The following COL27A1 variants were observed in gnomAD, a reference collection of about 807,000 sequenced individuals.
COL27A1 encodes collagen alpha-1(XXVII) chain.
A neutral mutation model predicts 251.3 loss-of-function variants in COL27A1; 106 were observed. That is an observed-to-expected ratio of 0.42 (90% confidence interval 0.36 to 0.50). The LOEUF is 0.50. Ranked by LOEUF, COL27A1 falls within the 20% of genes least tolerant of loss-of-function variation. The pLI, the probability that COL27A1 is intolerant of heterozygous loss-of-function variation, is 0.00. For missense variants in COL27A1, 2,325 were observed against 2,522.8 expected, an observed-to-expected ratio of 0.92 and a Z score of 1.68; for synonymous variants, 1,000 against 986.3, an observed-to-expected ratio of 1.01 and a Z score of -0.26.
At chr9:114,309,509 A>C in intron 60 of COL27A1, 31 bp downstream of exon 60, 25 of 1,561,896 alleles carry the variant, frequency 1.6e-5, no homozygotes, top group Non-Finnish European at 2.1e-5. Context: ...TAGGCCCTTC[A>C]TGTGGGGACA....
chr9:114,245,832 A>C, intron 23 of COL27A1, 34 bp from the exon 24 acceptor site: 1 of 1,610,472 alleles, frequency 6.2e-7, no homozygotes. Context: ...TTCATCTCCC[A>C]TCCCAATCCA....
chr9:114,206,394 G>C (rs897391196), intron 10 of COL27A1, 98 bp downstream of exon 10: 1 of 1,253,410 alleles, frequency 8.0e-7, no homozygotes, highest in South Asian at 1.2e-5. Context: ...TATAAGGAGA[G>C]CCAAGGCCCT....
chr9:114,266,971 G>GC (rs1166914647), intron 33 of COL27A1, among the ~76,000 whole-genome samples: 1 of 152,240 alleles, frequency 6.6e-6, no homozygotes, highest in East Asian at 1.9e-4. Context: ...TGTCCATCCA[G>GC]CCCCCAAGGG....
chr9:114,282,625 G>C (rs1835994592), intron 39 of COL27A1, 61 bp downstream of exon 39: 3 of 1,097,798 alleles, frequency 2.7e-6, no homozygotes, highest in Non-Finnish European at 3.8e-6. Context: ...CCAAGGGCAG[G>C]AAAGGAGACA....
chr9:114,281,478 C>T (rs1358881641), intron 37 of COL27A1, among the ~76,000 whole-genome samples: 2 of 152,246 alleles, frequency 1.3e-5, no homozygotes, highest in African/African-American at 4.8e-5. Flanking sequence ...GGCAGAGTGG[C>T]CTGTCAGAGG....
intron 25 of COL27A1, 34 bp downstream of exon 25, chr9:114,250,702 A>G: frequency 6.3e-7 from 1 of 1,597,190 alleles, no homozygotes; most frequent in Non-Finnish European, 8.6e-7. Flanking sequence ...ATAAACAATT[A>G]GAGCTTGTGT....
At chr9:114,163,403 T>TAAA (rs778377725) in intron 2 of COL27A1, among the ~76,000 whole-genome samples, 34,564 of 140,394 alleles carry the variant, frequency 0.25, 4,311 homozygotes, top group Middle Eastern at 0.36. Context: ...TAAGAACTGC[T>TAAA]AAAAAAAAAA....
rs543210425 is a variant in COL27A1, at chr9:114,266,660, G to A, written c.3447+42G>A. On this transcript the variant is annotated intron_variant, in intron 33 of 60. Transcript: ENST00000356083. ...CTTATTCGTCCCATGATGCTGCTGG[G>A]GATGTATCAGCCCTTCCCTTCCCTC... 8.4e-6 allele frequency: 13 copies of A among 1,553,092 alleles called. No individual in the cohort carries two copies. In the East Asian group the frequency reaches 2.9e-4, roughly 35 times the overall value.
chr9:114,194,987 C>A, intron 6 of COL27A1, among the ~76,000 whole-genome samples: 1 of 152,178 alleles, frequency 6.6e-6, no homozygotes, highest in Non-Finnish European at 1.5e-5. Flanking sequence ...GGCCTTCATC[C>A]GTCTCTGAAG....
intron 3 of COL27A1, among the ~76,000 whole-genome samples, chr9:114,170,823 G>T (rs554623078): frequency 1.3e-4 from 20 of 152,358 alleles, no homozygotes; most frequent in Admixed American, 2.6e-4. Context: ...GCCAACTCTG[G>T]CACCAGGTGC....
intron 41 of COL27A1, among the ~76,000 whole-genome samples, chr9:114,287,870 G>A (rs999464817): frequency 2.6e-5 from 4 of 152,162 alleles, no homozygotes; most frequent in Non-Finnish European, 4.4e-5. Flanking sequence ...TCATCTCTCC[G>A]AGCCTCATCT....
intron 45 of COL27A1, 92 bp from the exon 46 acceptor site, chr9:114,289,966 G>A (rs1428321850): frequency 7.2e-7 from 1 of 1,385,090 alleles, no homozygotes; most frequent in African/African-American, 1.4e-5. Flanking sequence ...TTCACCCAGG[G>A]GCCCACAATC....
rs200814441 is a variant in COL27A1, at chr9:114,168,816, C to T, written c.1261C>T (p.Pro421Ser). The T allele has an allele frequency of 5.0e-5, 80 of 1,614,022 alleles. No homozygotes were observed. The highest frequency in any genetic ancestry group is 6.4e-5 in the Non-Finnish European group (76 of 1,180,000). The change falls in exon 3 of 61, where the codon CCC (proline) becomes TCC (serine). Residue 421 changes from proline to serine, a missense_variant. Physicochemically the swap from Pro to Ser is moderately conservative, Grantham distance 74. Around this residue, in one of 4 missense-constraint regions of COL27A1, gnomAD observed 1,183 missense variants for 1,144.1 expected, o/e 1.03. Coordinates refer to ENST00000356083, the MANE Select transcript of COL27A1 (RefSeq NM_032888.4). ...SRPVPARVSR[P>S]AEKPIQRNPG... ...TCCAGTTCCTGCCAGAGTCTCCCGT[C>T]CCGCAGAGAAGCCCATCCAGAGGAA...
rs149110795 is a variant in COL27A1, at chr9:114,304,639, C to T, written c.4904C>T (p.Thr1635Met). The T allele has an allele frequency of 9.8e-5, 158 of 1,614,162 alleles. 1 individual carries two copies. The African/African-American group carries it at 1.6e-3, about 17-fold the overall frequency. ...GATGATCTTGGGGCAGCTTTCCAGA[C>T]GTGGATGGACACCAGTGGAGCACTC... ...QQDDLGAAFQ[T>M]WMDTSGALRP... Residue 1635 changes from threonine (T) to methionine (M), a missense_variant, in exon 57 of 61, where the codon ACG (threonine) becomes ATG (methionine). Physicochemically the swap from Thr to Met is moderately conservative, Grantham distance 81 (BLOSUM62 -1). Around this residue, in one of 4 missense-constraint regions of COL27A1, gnomAD observed 327 missense variants for 442.8 expected, o/e 0.74. Coordinates refer to ENST00000356083, the MANE Select transcript of COL27A1 (RefSeq NM_032888.4).
chr9:114,231,549 C>T (rs936997576), intron 15 of COL27A1, among the ~76,000 whole-genome samples: 3 of 152,198 alleles, frequency 2.0e-5, no homozygotes, highest in African/African-American at 4.8e-5. Flanking sequence ...AACCAACGTG[C>T]GTGTGACACG....
At chr9:114,239,726 TG>T (rs1403633259) in intron 19 of COL27A1, among the ~76,000 whole-genome samples, 16 of 152,162 alleles carry the variant, frequency 1.1e-4, no homozygotes, top group Admixed American at 1.0e-3. Flanking sequence ...GTGGCCAAGA[TG>T]TAGGAAGGAC....
At chr9:114,184,552 T>A (rs1304408624) in intron 5 of COL27A1, among the ~76,000 whole-genome samples, 3 of 152,188 alleles carry the variant, frequency 2.0e-5, no homozygotes, top group Admixed American at 2.0e-4. Flanking sequence ...AGGCAGGCAG[T>A]GGAGGCCTCA....
At chr9:114,282,637 C>A (rs1265507081) in intron 39 of COL27A1, 73 bp downstream of exon 39, 2 of 995,132 alleles carry the variant, frequency 2.0e-6, no homozygotes, top group Non-Finnish European at 2.9e-6. Flanking sequence ...AAGGAGACAC[C>A]AGGCTTCTCT....
chr9:114,276,003 C>T (rs1045908271), intron 37 of COL27A1, among the ~76,000 whole-genome samples: 4 of 152,182 alleles, frequency 2.6e-5, no homozygotes, highest in Non-Finnish European at 5.9e-5. Flanking sequence ...AAACCTGGTC[C>T]CTGCCGACCT....
Sources: gnomAD v4.1 joint callset for allele counts (sites outside exome capture counted in the v4.1 genomes callset) on GRCh38, gnomAD v4.1.1 for gene constraint, gnomAD v4.1.1 regional missense constraint, MANE v1.5 for transcripts, NCBI Gene and HGNC (gene_info 2026-07-23, HGNC 2026-07-21) for gene names.